VGLL4: variants seen among roughly 807,000 people sequenced by gnomAD.
VGLL4 encodes the protein vestigial like family member 4.
Under a neutral mutation model 21.0 loss-of-function variants are expected in VGLL4, and 7 were observed. The ratio of observed to expected loss-of-function variants is 0.33; its 90% CI spans 0.19 to 0.63. The LOEUF (loss-of-function observed/expected upper bound fraction) is 0.63. VGLL4 is among the 20% of genes least tolerant of loss of function. The pLI is 0.78. For synonymous variants in VGLL4, 222 were observed against 173.2 expected (o/e 1.28, Z -2.21); for missense variants, 394 against 425.7 (o/e 0.93, Z 0.66).
At chr3:11,694,627 A>G (rs1047207100) in intron 2 of VGLL4, among the ~76,000 whole-genome samples, 2 of 152,152 alleles carry the variant, frequency 1.3e-5, no homozygotes, top group Admixed American at 1.3e-4. Context: ...CTCAAAAAAA[A>G]AAAAGAAAAA....
At chr3:11,575,321 G>C (rs1320029670) in intron 2 of VGLL4, among the ~76,000 whole-genome samples, 6 of 152,268 alleles carry the variant, frequency 3.9e-5, no homozygotes, top group Admixed American at 1.3e-4. Context: ...CTGCGCCAAG[G>C]GTTTCCAGTC....
intron 2 of VGLL4, among the ~76,000 whole-genome samples, chr3:11,681,981 C>T (rs1490889169): frequency 6.6e-6 from 1 of 152,310 alleles, no homozygotes; most frequent in East Asian, 1.9e-4. Flanking sequence ...GGATTTAGGC[C>T]GGGCACAGTG....
chr3:11,645,967 G>A (rs190502689), upstream of VGLL4, among the ~76,000 whole-genome samples: 28 of 152,152 alleles, frequency 1.8e-4, no homozygotes, highest in South Asian at 5.6e-3. Context: ...ACAAGACTCC[G>A]TCTCAAAAAA....
At chr3:11,612,167 T>G (rs1003243051) in intron 1 of VGLL4, 1 of 152,190 alleles carries the variant, frequency 6.6e-6, no homozygotes, top group Non-Finnish European at 1.5e-5. Flanking sequence ...TAAAAATACT[T>G]TAAATTAAAA....
chr3:11,717,039 A>G (rs4499579), intron 1 of VGLL4, among the ~76,000 whole-genome samples: 72,213 of 151,838 alleles, frequency 0.48, 17,650 homozygotes, highest in Non-Finnish European at 0.54. Context: ...ACAAGCAATA[A>G]GCAGACACAT....
chr3:11,640,428 G>T (rs1268082039), intron 1 of VGLL4, among the ~76,000 whole-genome samples: 2 of 152,172 alleles, frequency 1.3e-5, no homozygotes, highest in Non-Finnish European at 2.9e-5. Context: ...GCATTCAGTG[G>T]GGTGATGGAC....
intron 2 of VGLL4, among the ~76,000 whole-genome samples, chr3:11,684,392 TAA>T (rs1183024231): frequency 6.6e-6 from 1 of 151,848 alleles, no homozygotes; most frequent in African/African-American, 2.4e-5. Context: ...TTTTTTTCTT[TAA>T]AAAAAAGACA....
At chr3:11,642,231 CAAAT>C (rs2075706828) in intron 1 of VGLL4, among the ~76,000 whole-genome samples, 1 of 152,006 alleles carries the variant, frequency 6.6e-6, no homozygotes, top group Admixed American at 6.6e-5. Flanking sequence ...TAAAGAAAAA[CAAAT>C]ACTCTTTTTA....
intron 2 of VGLL4, among the ~76,000 whole-genome samples, chr3:11,682,102 T>C (rs575708754): frequency 2.6e-5 from 4 of 152,148 alleles, no homozygotes; most frequent in African/African-American, 7.2e-5. Context: ...CTAATAAAAT[T>C]ACAAAAATTA....
At chr3:11,664,216 C>T (rs920853968) in intron 2 of VGLL4, among the ~76,000 whole-genome samples, 4 of 152,122 alleles carry the variant, frequency 2.6e-5, no homozygotes, top group African/African-American at 7.2e-5. Context: ...CCAGCCTGGG[C>T]GACAGATCAA....
chr3:11,641,659 G>C (rs1335948838), intron 1 of VGLL4, among the ~76,000 whole-genome samples: 1 of 152,096 alleles, frequency 6.6e-6, no homozygotes, highest in African/African-American at 2.4e-5. Flanking sequence ...TCATAATAAG[G>C]AAAATAGGAG....
At chr3:11,678,842 C>T (rs768915470) in intron 2 of VGLL4, among the ~76,000 whole-genome samples, 2 of 152,144 alleles carry the variant, frequency 1.3e-5, no homozygotes, top group Non-Finnish European at 1.5e-5. Context: ...TGCATAATGA[C>T]GTTTCAGTCA....
chr3:11,614,331 A>T (rs2075119646), intron 1 of VGLL4, among the ~76,000 whole-genome samples: 1 of 152,214 alleles, frequency 6.6e-6, no homozygotes, highest in Admixed American at 6.5e-5. Context: ...CAACTCAAAA[A>T]CTACTCATTT....
chr3:11,561,545 C>T (rs143935202), intron 3 of VGLL4, among the ~76,000 whole-genome samples: 64 of 152,326 alleles, frequency 4.2e-4, no homozygotes, highest in African/African-American at 1.4e-3. Flanking sequence ...CACCCCTCCT[C>T]CCCAGCTGGA....
chr3:11,647,033 C>T (rs992559152), upstream of VGLL4, among the ~76,000 whole-genome samples: 2 of 152,192 alleles, frequency 1.3e-5, no homozygotes, highest in African/African-American at 2.4e-5. Flanking sequence ...AGTTATAGGG[C>T]TGCATTACAT....
intron 2 of VGLL4, among the ~76,000 whole-genome samples, chr3:11,670,465 G>T (rs1028017042): frequency 1.4e-4 from 22 of 152,086 alleles, no homozygotes; most frequent in Admixed American, 4.6e-4. Context: ...CGTCCCAACA[G>T]CCCTTTTGGG....
chr3:11,583,647 G>A (rs1054869408), intron 2 of VGLL4, among the ~76,000 whole-genome samples: 6 of 152,154 alleles, frequency 3.9e-5, no homozygotes, highest in African/African-American at 1.4e-4. Context: ...AAGACAACCC[G>A]GGAAGGAGTG....
intron 3 of VGLL4, among the ~76,000 whole-genome samples, chr3:11,560,740 T>C (rs1481149379): frequency 1.3e-5 from 2 of 152,082 alleles, no homozygotes; most frequent in African/African-American, 4.8e-5. Context: ...CAGGGTTTCT[T>C]AGTGGCCCGA....
At chr3:11,672,487 A>G (rs145328149) in intron 2 of VGLL4, among the ~76,000 whole-genome samples, 3 of 152,322 alleles carry the variant, frequency 2.0e-5, no homozygotes, top group Non-Finnish European at 4.4e-5. Context: ...CAAATTCTTC[A>G]TAATTCCCCA....
Sources: allele counts gnomAD v4.1 joint callset (sites outside exome capture counted in the v4.1 genomes callset), GRCh38; gene constraint gnomAD v4.1.1; transcripts MANE v1.5; gene names NCBI Gene and HGNC (gene_info 2026-07-23, HGNC 2026-07-21).